EPHB1: variants seen among roughly 807,000 people sequenced by gnomAD.
The protein encoded by EPHB1 is EPH receptor B1, also known as ephrin type-B receptor 1.
Under a neutral mutation model 94.4 loss-of-function variants are expected in EPHB1, and 30 were observed. The observed-to-expected ratio is 0.32, with a 90% CI of 0.24 to 0.43. The LOEUF is 0.43. Ranked by LOEUF, EPHB1 falls within the 20% of genes least tolerant of loss-of-function variation. The probability of loss-of-function intolerance (pLI) is 1.00; values close to 1 mark genes in which losing one functional copy is unlikely to be tolerated. For missense variants in EPHB1, 1,055 were observed against 1,308.3 expected, an observed-to-expected ratio of 0.81 and a Z score of 2.99; for synonymous variants, 522 against 489.1, an observed-to-expected ratio of 1.07 and a Z score of -0.89.
intron 5 of EPHB1, among the ~76,000 whole-genome samples, chr3:135,138,421 T>G (rs1331490933): frequency 1.3e-5 from 2 of 152,224 alleles, no homozygotes; most frequent in Non-Finnish European, 2.9e-5. Flanking sequence ...AATATAGTAT[T>G]TGCATGCATA....
At chr3:135,231,254 G>C (rs1180765224) in intron 12 of EPHB1, among the ~76,000 whole-genome samples, 1 of 152,148 alleles carries the variant, frequency 6.6e-6, no homozygotes, top group African/African-American at 2.4e-5. Flanking sequence ...ATAATAAAAA[G>C]AAATAATAAT....
intron 1 of EPHB1, among the ~76,000 whole-genome samples, chr3:134,913,809 G>A (rs1019968421): frequency 6.6e-6 from 1 of 152,250 alleles, no homozygotes; most frequent in Admixed American, 6.5e-5. Flanking sequence ...CAGGCATGGA[G>A]AGAAAGGCTC....
chr3:134,921,525 A>G (rs1371808623), intron 1 of EPHB1, among the ~76,000 whole-genome samples: 2 of 152,102 alleles, frequency 1.3e-5, no homozygotes, highest in Non-Finnish European at 2.9e-5. Flanking sequence ...TAAACCATGA[A>G]TTTCTCTGAG....
chr3:134,850,106 G>T (rs567416063), intron 1 of EPHB1, among the ~76,000 whole-genome samples: 1 of 152,164 alleles, frequency 6.6e-6, no homozygotes, highest in Non-Finnish European at 1.5e-5. Flanking sequence ...GGCTGCAGAC[G>T]AGCAGAGCTG....
At chr3:134,869,417 G>A (rs939327646) in intron 1 of EPHB1, among the ~76,000 whole-genome samples, 9 of 152,284 alleles carry the variant, frequency 5.9e-5, no homozygotes, top group South Asian at 4.1e-4. Flanking sequence ...CCTTCCGGGG[G>A]AATTCAGTGG....
intron 9 of EPHB1, among the ~76,000 whole-genome samples, chr3:135,173,841 C>A (rs4894252): frequency 0.5 from 75,853 of 151,972 alleles, 19,395 homozygotes; most frequent in East Asian, 0.8. Context: ...ATGTGCCAGC[C>A]CCTCTTACAA....
At chr3:135,156,304 A>T (rs1316740535) in intron 6 of EPHB1, among the ~76,000 whole-genome samples, 1 of 152,122 alleles carries the variant, frequency 6.6e-6, no homozygotes, top group Non-Finnish European at 1.5e-5. Flanking sequence ...GTAGATGATA[A>T]GAAAGTCCTG....
chr3:134,979,276 G>T (rs77360995), intron 3 of EPHB1, among the ~76,000 whole-genome samples: 1,875 of 152,244 alleles, frequency 0.012, 27 homozygotes, highest in Non-Finnish European at 0.018. Context: ...TTAAACTTTG[G>T]TAAAGGAGCA....
chr3:135,081,288 A>G (rs992393766), intron 3 of EPHB1, among the ~76,000 whole-genome samples: 1 of 152,220 alleles, frequency 6.6e-6, no homozygotes, highest in Non-Finnish European at 1.5e-5. Context: ...TACTTTAGAA[A>G]AAAAACCTGT....
intron 1 of EPHB1, 148 bp from the exon 2 acceptor site, chr3:134,925,668 C>T: frequency 1.6e-6 from 1 of 620,702 alleles, no homozygotes. Context: ...TTGGGCTTCA[C>T]AGAGAGACCT....
At chr3:135,157,015 G>T (rs1941375524) in intron 6 of EPHB1, among the ~76,000 whole-genome samples, 1 of 152,100 alleles carries the variant, frequency 6.6e-6, no homozygotes, top group Non-Finnish European at 1.5e-5. Context: ...CCTATTGTGT[G>T]CCAGGGGTTT....
chr3:135,134,264 C>A (rs1176014347), intron 5 of EPHB1, among the ~76,000 whole-genome samples: 2 of 152,230 alleles, frequency 1.3e-5, no homozygotes, highest in Non-Finnish European at 2.9e-5. Context: ...TCTCTGCTCT[C>A]TCTTCCTCTG....
intron 9 of EPHB1, among the ~76,000 whole-genome samples, chr3:135,176,741 A>G (rs1345718907): frequency 6.6e-6 from 1 of 152,198 alleles, no homozygotes; most frequent in East Asian, 1.9e-4. Flanking sequence ...TGGGGCCAAT[A>G]TCTGTAAAAC....
At chr3:134,803,358 G>A (rs2035969943) in intron 1 of EPHB1, among the ~76,000 whole-genome samples, 1 of 152,218 alleles carries the variant, frequency 6.6e-6, no homozygotes, top group Non-Finnish European at 1.5e-5. Flanking sequence ...GAGGGGACAA[G>A]CGAGGGGAGC....
chr3:134,884,644 T>C (rs947629267), intron 1 of EPHB1, among the ~76,000 whole-genome samples: 1 of 152,234 alleles, frequency 6.6e-6, no homozygotes, highest in Non-Finnish European at 1.5e-5. Flanking sequence ...TTAATAATAC[T>C]CTTTCCTTTG....
intron 1 of EPHB1, among the ~76,000 whole-genome samples, chr3:134,825,748 A>G (rs1229194193): frequency 1.3e-5 from 2 of 152,032 alleles, no homozygotes; most frequent in Non-Finnish European, 2.9e-5. Flanking sequence ...GCATATTAGT[A>G]TACTCCAGTC....
intron 1 of EPHB1, among the ~76,000 whole-genome samples, chr3:134,825,632 T>C (rs150348215): frequency 3.3e-5 from 5 of 152,318 alleles, no homozygotes; most frequent in African/African-American, 1.2e-4. Context: ...AGGTACACCA[T>C]GATCTTGTGT....
intron 3 of EPHB1, among the ~76,000 whole-genome samples, chr3:135,000,114 A>G (rs1559789100): frequency 6.6e-6 from 1 of 152,242 alleles, no homozygotes. Flanking sequence ...TTCTCCAGGA[A>G]CTAACTTGAA....
At chr3:135,180,679 A>T (rs953661265) in intron 10 of EPHB1, among the ~76,000 whole-genome samples, 2 of 152,164 alleles carry the variant, frequency 1.3e-5, no homozygotes, top group African/African-American at 4.8e-5. Flanking sequence ...CTGATCTAGA[A>T]TTTTCATCTT....
Sources: allele counts gnomAD v4.1 joint callset (sites outside exome capture counted in the v4.1 genomes callset), GRCh38; gene constraint gnomAD v4.1.1; transcripts MANE v1.5; gene names NCBI Gene and HGNC (gene_info 2026-07-23, HGNC 2026-07-21).